TMEM117: variants seen among roughly 807,000 people sequenced by gnomAD.
TMEM117 encodes the protein transmembrane protein 117.
Under a neutral mutation model 52.4 loss-of-function variants are expected in TMEM117, and 27 were observed. The observed-to-expected ratio is 0.51, with a 90% CI of 0.38 to 0.71. The LOEUF (loss-of-function observed/expected upper bound fraction) is 0.71, where lower values mean the gene tolerates loss of function less well. TMEM117 is among the 30% of genes least tolerant of loss of function. The pLI, the probability that TMEM117 is intolerant of heterozygous loss-of-function variation, is 0.00. For synonymous variants in TMEM117, 215 were observed against 206.3 expected (o/e 1.04, Z -0.36); for missense variants, 556 against 630.5 (o/e 0.88, Z 1.26).
At chr12:43,869,073 T>A (rs943459269) in intron 2 of TMEM117, among the ~76,000 whole-genome samples, 5 of 152,116 alleles carry the variant, frequency 3.3e-5, no homozygotes, top group African/African-American at 4.8e-5. Flanking sequence ...GCCAATAAAT[T>A]CTAAAAAATC....
At chr12:43,817,367 G>C in the TMEM117 span, among the ~76,000 whole-genome samples, 8 of 152,308 alleles carry the variant, frequency 5.3e-5, no homozygotes, top group African/African-American at 1.7e-4. Flanking sequence ...TGATTTAGGA[G>C]ATATTCCCTT....
chr12:44,099,207 C>G (rs1410216517), intron 3 of TMEM117, among the ~76,000 whole-genome samples: 4 of 151,990 alleles, frequency 2.6e-5, no homozygotes, highest in Non-Finnish European at 5.9e-5. Context: ...AAATAGCAAC[C>G]TCTGTGCTTT....
chr12:44,355,200 A>G (rs1046787111), intron 6 of TMEM117, among the ~76,000 whole-genome samples: 4 of 152,038 alleles, frequency 2.6e-5, no homozygotes, highest in East Asian at 1.9e-4. Context: ...TCAGCTCTAT[A>G]TATTTATTTA....
intron 4 of TMEM117, among the ~76,000 whole-genome samples, chr12:44,191,518 A>G (rs1243235436): frequency 2.0e-5 from 3 of 152,176 alleles, no homozygotes; most frequent in African/African-American, 7.2e-5. Flanking sequence ...TTTGAATAAG[A>G]CATGGTAGAG....
At chr12:43,928,665 ACATGTGC>A (rs1177100837) in intron 2 of TMEM117, among the ~76,000 whole-genome samples, 1 of 151,622 alleles carries the variant, frequency 6.6e-6, no homozygotes, top group Non-Finnish European at 1.5e-5. Context: ...ACATATGTAT[ACATGTGC>A]CATGCTGGTG....
chr12:44,098,303 G>C (rs890766911), intron 3 of TMEM117, among the ~76,000 whole-genome samples: 9 of 152,016 alleles, frequency 5.9e-5, no homozygotes, highest in African/African-American at 2.2e-4. Flanking sequence ...AGCATTGTCC[G>C]GGAGAGAGGC....
At chr12:43,940,459 A>C (rs901020500) in intron 2 of TMEM117, among the ~76,000 whole-genome samples, 1 of 152,210 alleles carries the variant, frequency 6.6e-6, no homozygotes, top group African/African-American at 2.4e-5. Context: ...CAAAAAGGCC[A>C]AGAAACCAAG....
chr12:43,906,856 G>T (rs996062978), intron 2 of TMEM117, among the ~76,000 whole-genome samples: 2 of 152,246 alleles, frequency 1.3e-5, no homozygotes, highest in Non-Finnish European at 2.9e-5. Flanking sequence ...CCCCCACGGA[G>T]TCTCGCTGAT....
intron 6 of TMEM117, among the ~76,000 whole-genome samples, chr12:44,322,545 A>G (rs1951145005): frequency 6.6e-6 from 1 of 152,166 alleles, no homozygotes; most frequent in Non-Finnish European, 1.5e-5. Flanking sequence ...TTGCTTGAGG[A>G]CACCATGAAT....
In TMEM117 at chr12:44,294,344, C is replaced by G. The variant is rs568521428; in HGVS notation, c.609-5236C>G. Reference sequence around the variant, plus strand: ...CCTGAAACTGTGGATAGTACTGAATCCAATTGCCATCAGTTGGAACCTGTT... The same window carrying G: ...CCTGAAACTGTGGATAGTACTGAATGCAATTGCCATCAGTTGGAACCTGTT... On this transcript the variant is annotated intron_variant, in intron 5 of 7. Coordinates refer to ENST00000266534, the MANE Select transcript of TMEM117 (RefSeq NM_032256.3). Among the ~76,000 whole-genome samples the G allele has an allele frequency of 4.6e-5, 7 of 152,272 alleles. No homozygotes were observed. The East Asian group carries it at 1.3e-3, about 29-fold the overall frequency.
At chr12:43,813,172 A>G in the TMEM117 span, among the ~76,000 whole-genome samples, 3 of 146,144 alleles carry the variant, frequency 2.1e-5, no homozygotes, top group Admixed American at 1.4e-4. Context: ...TACTCCTACC[A>G]GCCTTATTCA....
At chr12:43,869,443 A>G (rs1302591365) in intron 2 of TMEM117, among the ~76,000 whole-genome samples, 1 of 152,222 alleles carries the variant, frequency 6.6e-6, no homozygotes, top group Non-Finnish European at 1.5e-5. Context: ...AAATTTCAGG[A>G]ATGTTTATTT....
At chr12:43,875,209 A>G (rs1024540221) in intron 2 of TMEM117, among the ~76,000 whole-genome samples, 2 of 134,276 alleles carry the variant, frequency 1.5e-5, no homozygotes, top group Non-Finnish European at 3.2e-5. Context: ...GGTTGAAAAG[A>G]ATGGTGGGGA....
downstream of TMEM117, among the ~76,000 whole-genome samples, chr12:44,391,512 C>G (rs1952161750): frequency 6.6e-6 from 1 of 152,096 alleles, no homozygotes; most frequent in South Asian, 2.1e-4. Flanking sequence ...TCCAAAAACA[C>G]TGCACCACTG....
intron 3 of TMEM117, among the ~76,000 whole-genome samples, chr12:43,985,411 A>G (rs1945832016): frequency 6.6e-6 from 1 of 152,210 alleles, no homozygotes; most frequent in Non-Finnish European, 1.5e-5. Context: ...TATTCCAAAG[A>G]AACACTGAAA....
intron 2 of TMEM117, among the ~76,000 whole-genome samples, chr12:43,845,763 G>C (rs114261864): frequency 0.013 from 2,036 of 151,464 alleles, 35 homozygotes; most frequent in African/African-American, 0.048. Context: ...TCATTGTTCA[G>C]CTCCCACCTA....
intron 5 of TMEM117, among the ~76,000 whole-genome samples, chr12:44,256,058 A>G (rs973364167): frequency 2.0e-5 from 3 of 151,746 alleles, no homozygotes; most frequent in Non-Finnish European, 4.4e-5. Flanking sequence ...TCATATTACT[A>G]AAAACACTAG....
At chr12:43,894,684 A>G (rs1312543639) in intron 2 of TMEM117, among the ~76,000 whole-genome samples, 1 of 151,922 alleles carries the variant, frequency 6.6e-6, no homozygotes, top group African/African-American at 2.4e-5. Context: ...GCTAAGGATA[A>G]TGGCCCCCAG....
chr12:43,940,693 C>T (rs1440977073), intron 2 of TMEM117, among the ~76,000 whole-genome samples: 1 of 151,996 alleles, frequency 6.6e-6, no homozygotes, highest in Non-Finnish European at 1.5e-5. Flanking sequence ...AGGCGTGCAC[C>T]ACCACGCCTG....
Sources: gnomAD v4.1 joint callset for allele counts (sites outside exome capture counted in the v4.1 genomes callset) on GRCh38, gnomAD v4.1.1 for gene constraint, MANE v1.5 for transcripts, NCBI Gene and HGNC (gene_info 2026-07-23, HGNC 2026-07-21) for gene names.